Variants in ENKUR observed in about 807,000 individuals in gnomAD.
The protein encoded by ENKUR is enkurin, TRPC channel interacting protein.
ENKUR carries 19 observed loss-of-function variants against 27.6 expected under a neutral mutation model. The ratio of observed to expected loss-of-function variants is 0.69; its 90% CI spans 0.48 to 1.01. ENKUR has a LOEUF of 1.01. Ranked by LOEUF, ENKUR falls within the 50% of genes least tolerant of loss-of-function variation. The probability of loss-of-function intolerance (pLI) is 0.00; values close to 1 mark genes in which losing one functional copy is unlikely to be tolerated. For synonymous variants in ENKUR, 117 were observed against 96.9 expected (o/e 1.21, Z -1.22); for missense variants, 312 against 310.5 (o/e 1.00, Z -0.04).
At chr10:25,045,096 G>A (rs1851108222) in intron 2 of ENKUR, among the ~76,000 whole-genome samples, 1 of 152,160 alleles carries the variant, frequency 6.6e-6, no homozygotes, top group South Asian at 2.1e-4. Flanking sequence ...CCTATTTCAA[G>A]GGTTGAAATC....
At chr10:24,998,848 T>A (rs1850123225) in intron 2 of ENKUR, among the ~76,000 whole-genome samples, 1 of 152,150 alleles carries the variant, frequency 6.6e-6, no homozygotes, top group Admixed American at 6.5e-5. Flanking sequence ...AGCACAGCAT[T>A]AAAATAAGCA....
chr10:24,984,755 T>C lies in ENKUR; in HGVS notation c.745A>G (p.Ile249Val), dbSNP rs199886037. ...HDIGIIEKHKIIYIANNA is the reference protein window; with the variant it reads ...HDIGIIEKHKVIYIANNA ...TCTTACTTATTGGCAATATAAATAA[T>C]CTTGTGCTTTTCAATTATGCCAATG... Residue 249 changes from isoleucine (I) to valine (V), a missense_variant, in exon 5 of 6, where the codon ATT becomes GTT. Transcript: ENST00000331161. The C allele has an allele frequency of 3.7e-6, 6 of 1,612,286 alleles. No homozygotes were observed. Among genetic ancestry groups the C allele is most frequent in the Non-Finnish European group, 5.1e-6 (6 of 1,179,596 alleles).
At chr10:25,018,392 T>C (rs1209005078), upstream of ENKUR, among the ~76,000 whole-genome samples, 1 of 152,218 alleles carries the variant, frequency 6.6e-6, no homozygotes, top group Non-Finnish European at 1.5e-5. Context: ...AAACTGTCTA[T>C]AAAGGGGTAG....
chr10:24,992,228 A>G (rs940653226), intron 3 of ENKUR, among the ~76,000 whole-genome samples: 1 of 152,248 alleles, frequency 6.6e-6, no homozygotes, highest in East Asian at 1.9e-4. Context: ...TTTGCATTCT[A>G]TGGTGACAGA....
intron 2 of ENKUR, among the ~76,000 whole-genome samples, chr10:25,052,343 A>G (rs1263040298): frequency 6.6e-6 from 1 of 152,196 alleles, no homozygotes; most frequent in Non-Finnish European, 1.5e-5. Flanking sequence ...GGGCCTTTCA[A>G]ATTTTTCCTT....
At chr10:24,999,676 A>T in intron 1 of ENKUR, 130 bp from the exon 2 acceptor site, 1 of 850,616 alleles carries the variant, frequency 1.2e-6, no homozygotes, top group Non-Finnish European at 1.8e-6. Flanking sequence ...ATAATCATAA[A>T]ACATACTTAC....
chr10:24,993,250 G>A (rs544817359), intron 3 of ENKUR, among the ~76,000 whole-genome samples: 71 of 152,234 alleles, frequency 4.7e-4, no homozygotes, highest in South Asian at 1.0e-3. Context: ...CTGAATCACC[G>A]GAGGCTAATG....
At chr10:24,989,005 C>T (rs1173920464) in intron 4 of ENKUR, among the ~76,000 whole-genome samples, 1 of 151,912 alleles carries the variant, frequency 6.6e-6, no homozygotes, top group Non-Finnish European at 1.5e-5. Context: ...CAAAGGGTAA[C>T]TCTGTAGCGA....
chr10:24,998,349 T>A (rs1053053159), intron 2 of ENKUR, among the ~76,000 whole-genome samples: 7 of 110,930 alleles, frequency 6.3e-5, no homozygotes, highest in African/African-American at 2.7e-4. Context: ...CTCCCTCCCT[T>A]CCTTCCTTCC....
At chr10:25,008,080 C>T (rs1169239115) in intron 1 of ENKUR, among the ~76,000 whole-genome samples, 1 of 151,006 alleles carries the variant, frequency 6.6e-6, no homozygotes, top group African/African-American at 2.4e-5. Flanking sequence ...GAGAAGTAGT[C>T]TTGTGGGTCT....
chr10:25,054,354 G>A (rs769708214), intron 2 of ENKUR, among the ~76,000 whole-genome samples: 5 of 152,130 alleles, frequency 3.3e-5, no homozygotes, highest in Non-Finnish European at 5.9e-5. Context: ...CCCATGAGGC[G>A]GAGGTTGCAG....
At chr10:24,993,514 A>G (rs1281056225) in intron 3 of ENKUR, among the ~76,000 whole-genome samples, 3 of 152,212 alleles carry the variant, frequency 2.0e-5, no homozygotes, top group African/African-American at 4.8e-5. Flanking sequence ...ATTGTTTCTC[A>G]TGGTATGAAT....
chr10:25,023,959 G>C, intron 2 of ENKUR: 1 of 1,614,196 alleles, frequency 6.2e-7, no homozygotes, highest in South Asian at 1.1e-5. Flanking sequence ...TGAACAGAAG[G>C]TTTCAGCAAA....
In ENKUR at chr10:24,997,807, T is replaced by TTATATATATATATATATATA. The variant is rs58973955; in HGVS notation, c.223+1593_223+1594insTATATATATATATATATATA. 3.0e-3 allele frequency among the ~76,000 whole-genome samples: 436 copies of TTATATATATATATATATATA among 144,866 alleles called. 3 individuals are homozygous for TTATATATATATATATATATA. Among genetic ancestry groups the TTATATATATATATATATATA allele is most frequent in the African/African-American group, 9.8e-3 (372 of 38,042 alleles). Reference sequence around the variant, plus strand: ...TTTTTTCTTATTTGACACAAAGGATTTATATATATATATATATATGTTTGT... The same window carrying TTATATATATATATATATATA: ...TTTTTTCTTATTTGACACAAAGGATTTATATATATATATATATATATATATATATATATATATATGTTTGT... On this transcript the variant is annotated intron_variant, in intron 2 of 5. Transcript: ENST00000331161.
chr10:25,057,538 G>T (rs1023220788), intron 2 of ENKUR, among the ~76,000 whole-genome samples: 3 of 152,080 alleles, frequency 2.0e-5, no homozygotes, highest in Admixed American at 6.6e-5. Flanking sequence ...TTTATTCAAT[G>T]AATTAATTGG....
intron 1 of ENKUR, among the ~76,000 whole-genome samples, chr10:25,013,550 T>A (rs889236019): frequency 6.6e-6 from 1 of 152,220 alleles, no homozygotes; most frequent in African/African-American, 2.4e-5. Context: ...GGAAAGGAGA[T>A]AATGGTTTCA....
chr10:25,036,556 G>C (rs1222444718), intron 2 of ENKUR, among the ~76,000 whole-genome samples: 1 of 152,194 alleles, frequency 6.6e-6, no homozygotes, highest in Non-Finnish European at 1.5e-5. Context: ...TGCACCACAA[G>C]CACGGTGCAG....
intron 2 of ENKUR, chr10:25,023,227 C>T (rs201231585): frequency 1.2e-6 from 2 of 1,605,720 alleles, no homozygotes; most frequent in Non-Finnish European, 1.7e-6. Context: ...AAAGAGAATG[C>T]TCCACTTTAA....
intron 2 of ENKUR, among the ~76,000 whole-genome samples, chr10:25,034,142 T>C (rs987733968): frequency 6.6e-6 from 1 of 152,162 alleles, no homozygotes; most frequent in Admixed American, 6.5e-5. Flanking sequence ...AAATTTACAG[T>C]AAAACGTATT....
Sources: gnomAD v4.1 joint callset for allele counts (sites outside exome capture counted in the v4.1 genomes callset) on GRCh38, gnomAD v4.1.1 for gene constraint, MANE v1.5 for transcripts, NCBI Gene and HGNC (gene_info 2026-07-23, HGNC 2026-07-21) for gene names.